Variants in CACNA2D3 observed in about 807,000 individuals in gnomAD.
CACNA2D3 encodes the protein voltage-dependent calcium channel subunit alpha-2/delta-3.
A neutral mutation model predicts 160.6 loss-of-function variants in CACNA2D3; 60 were observed. That is an observed-to-expected ratio of 0.37 (90% confidence interval 0.30 to 0.46). The LOEUF (loss-of-function observed/expected upper bound fraction) is 0.46. Among genes scored for constraint, CACNA2D3 ranks in the 20% least tolerant of loss-of-function variants. The probability of loss-of-function intolerance (pLI) is 1.00; values close to 1 mark genes in which losing one functional copy is unlikely to be tolerated. For missense variants in CACNA2D3, 1,205 were observed against 1,365.0 expected, an observed-to-expected ratio of 0.88 and a Z score of 1.85; for synonymous variants, 558 against 492.9, an observed-to-expected ratio of 1.13 and a Z score of -1.75.
At chr3:54,308,665 G>C (rs1209643730) in intron 2 of CACNA2D3, among the ~76,000 whole-genome samples, 2 of 152,108 alleles carry the variant, frequency 1.3e-5, no homozygotes, top group African/African-American at 2.4e-5. Context: ...TAAACTCCTT[G>C]GTAGCAGTGT....
At chr3:54,646,962 T>C (rs1448013807) in intron 11 of CACNA2D3, among the ~76,000 whole-genome samples, 1 of 152,178 alleles carries the variant, frequency 6.6e-6, no homozygotes, top group African/African-American at 2.4e-5. Flanking sequence ...TGATGAAGCC[T>C]TTATGGCCAG....
intron 4 of CACNA2D3, among the ~76,000 whole-genome samples, chr3:54,491,439 G>C (rs1701107343): frequency 6.6e-6 from 1 of 152,342 alleles, no homozygotes; most frequent in Admixed American, 6.5e-5. Context: ...TGGTGTCTCA[G>C]CCTGGGCTGC....
At chr3:54,896,484 T>C (rs1335004587) in intron 25 of CACNA2D3, among the ~76,000 whole-genome samples, 2 of 152,202 alleles carry the variant, frequency 1.3e-5, no homozygotes, top group Admixed American at 6.5e-5. Context: ...TTTGCTTGGC[T>C]TCAGACTTTA....
chr3:54,709,475 C>T (rs763239929), intron 11 of CACNA2D3, among the ~76,000 whole-genome samples: 3 of 152,108 alleles, frequency 2.0e-5, no homozygotes, highest in Non-Finnish European at 2.9e-5. Context: ...GATCCTCCCA[C>T]TCAGCCTCCC....
At chr3:54,170,282 A>G (rs1269198825) in intron 2 of CACNA2D3, among the ~76,000 whole-genome samples, 1 of 151,814 alleles carries the variant, frequency 6.6e-6, no homozygotes, top group Non-Finnish European at 1.5e-5. Flanking sequence ...CAAGAGACCC[A>G]GAGAAGACCA....
intron 17 of CACNA2D3, among the ~76,000 whole-genome samples, chr3:54,861,989 T>G (rs1269544368): frequency 6.6e-6 from 1 of 152,206 alleles, no homozygotes; most frequent in Non-Finnish European, 1.5e-5. Context: ...TCACTGTAAT[T>G]GAGAATCACA....
chr3:54,803,592 A>T (rs1393506171), intron 13 of CACNA2D3, among the ~76,000 whole-genome samples: 2 of 152,216 alleles, frequency 1.3e-5, no homozygotes, highest in East Asian at 3.9e-4. Flanking sequence ...GTGTACCTGA[A>T]AGTGATGTGG....
intron 13 of CACNA2D3, among the ~76,000 whole-genome samples, chr3:54,779,567 C>T (rs991954042): frequency 8.5e-5 from 13 of 152,156 alleles, no homozygotes; most frequent in Non-Finnish European, 1.6e-4. Context: ...GCCTCACCAT[C>T]GCTGGCCATT....
At chr3:54,939,321 C>T (rs1034328104) in intron 27 of CACNA2D3, among the ~76,000 whole-genome samples, 43 of 152,196 alleles carry the variant, frequency 2.8e-4, no homozygotes, top group Admixed American at 7.9e-4. Flanking sequence ...TTGCCTGAGA[C>T]CCAATTTCTA....
chr3:54,565,774 T>A (rs2106712316), intron 6 of CACNA2D3, among the ~76,000 whole-genome samples: 1 of 152,304 alleles, frequency 6.6e-6, no homozygotes, highest in Non-Finnish European at 1.5e-5. Context: ...AGCCTTATCT[T>A]TCAGGGCTTG....
intron 3 of CACNA2D3, among the ~76,000 whole-genome samples, chr3:54,372,568 CCTT>C (rs1286298164): frequency 2.6e-5 from 4 of 152,090 alleles, no homozygotes; most frequent in African/African-American, 4.8e-5. Flanking sequence ...TGGGTTTAGT[CCTT>C]CTTCATTAGC....
intron 11 of CACNA2D3, among the ~76,000 whole-genome samples, chr3:54,710,371 A>C (rs1422827126): frequency 5.9e-5 from 9 of 152,240 alleles, no homozygotes; most frequent in Non-Finnish European, 1.3e-4. Flanking sequence ...TTCTTCTCAC[A>C]TTCCAATATG....
At chr3:54,735,553 G>T (rs114435586) in intron 11 of CACNA2D3, among the ~76,000 whole-genome samples, 19 of 152,222 alleles carry the variant, frequency 1.2e-4, no homozygotes, top group Non-Finnish European at 2.6e-4. Flanking sequence ...TGAACTGTGG[G>T]GATGGTAGTA....
At chr3:54,766,666 A>G (rs1413916000) in intron 13 of CACNA2D3, among the ~76,000 whole-genome samples, 2 of 152,204 alleles carry the variant, frequency 1.3e-5, no homozygotes, top group African/African-American at 4.8e-5. Flanking sequence ...AGCAGCTTGT[A>G]ATTTCAAAAT....
chr3:54,239,773 G>C (rs1057300342), intron 2 of CACNA2D3, among the ~76,000 whole-genome samples: 1 of 152,182 alleles, frequency 6.6e-6, no homozygotes, highest in Non-Finnish European at 1.5e-5. Flanking sequence ...ATCTTATGTG[G>C]AATTTTGGGC....
At position 54,471,674 on chromosome 3, in the gene CACNA2D3, A is replaced by G. The variant is rs577852028; in HGVS notation, c.382-31818A>G. Among the ~76,000 whole-genome samples the G allele has an allele frequency of 5.1e-4, 78 of 152,334 alleles. 1 individual carries two copies. Among genetic ancestry groups the G allele is most frequent in the African/African-American group, 1.7e-3 (72 of 41,588 alleles). On this transcript the variant is annotated intron_variant, in intron 4 of 37. Transcript: ENST00000474759. ...ACTAGCCAGACTAATAAATAAGAAA[A>G]GAGAGAAGAATCGAGTAGACATAAT...
chr3:54,238,979 A>C (rs960338167), intron 2 of CACNA2D3, among the ~76,000 whole-genome samples: 1 of 152,218 alleles, frequency 6.6e-6, no homozygotes, highest in Non-Finnish European at 1.5e-5. Context: ...AGATGTGTTT[A>C]TTGTTGTAAA....
intron 9 of CACNA2D3, among the ~76,000 whole-genome samples, chr3:54,617,860 C>G (rs1266043967): frequency 1.3e-5 from 2 of 151,992 alleles, no homozygotes; most frequent in Admixed American, 6.6e-5. Context: ...ACCACTGGGT[C>G]CCCTGTCCCT....
chr3:54,756,321 A>G (rs933646235), intron 12 of CACNA2D3, among the ~76,000 whole-genome samples: 6 of 152,208 alleles, frequency 3.9e-5, no homozygotes, highest in African/African-American at 7.2e-5. Flanking sequence ...TAGCAATGCC[A>G]TCAAAATGTG....
Sources: gnomAD v4.1 joint callset for allele counts (sites outside exome capture counted in the v4.1 genomes callset) on GRCh38, gnomAD v4.1.1 for gene constraint, MANE v1.5 for transcripts, NCBI Gene and HGNC (gene_info 2026-07-23, HGNC 2026-07-21) for gene names.